Variants in LARGE1 observed in about 807,000 individuals in gnomAD.
LARGE1 encodes the protein xylosyl- and glucuronyltransferase LARGE1.
Under a neutral mutation model 87.6 loss-of-function variants are expected in LARGE1, and 43 were observed. The ratio of observed to expected loss-of-function variants is 0.49; its 90% CI spans 0.38 to 0.63. The LOEUF (loss-of-function observed/expected upper bound fraction) is 0.63, where lower values mean the gene tolerates loss of function less well. Ranked by LOEUF, LARGE1 falls within the 30% of genes least tolerant of loss-of-function variation. The pLI is 0.00. For missense variants in LARGE1, 802 were observed against 1,000.2 expected (o/e 0.80, Z 2.67); for synonymous variants, 434 against 394.6 (o/e 1.10, Z -1.18).
chr22:33,246,821 T>C (rs1184926584), intron 11 of LARGE1, among the ~76,000 whole-genome samples: 3 of 152,218 alleles, frequency 2.0e-5, no homozygotes, highest in Admixed American at 6.5e-5. Context: ...TTTTTATCAC[T>C]GAAAGCCTGT....
intron 1 of LARGE1, among the ~76,000 whole-genome samples, chr22:33,837,143 G>A (rs1253557603): frequency 6.6e-6 from 1 of 151,994 alleles, no homozygotes; most frequent in African/African-American, 2.4e-5. Flanking sequence ...CCATGATTGT[G>A]ATTGAAATGC....
At chr22:33,722,266 GGAGGGA>G (rs1377724864) in intron 2 of LARGE1, among the ~76,000 whole-genome samples, 71 of 76,400 alleles carry the variant, frequency 9.3e-4, no homozygotes, top group Admixed American at 2.2e-3. Context: ...GAGAGGGAGA[GGAGGGA>G]GAGGGAGAGG....
At chr22:33,675,024 G>T (rs1211785460) in intron 2 of LARGE1, among the ~76,000 whole-genome samples, 1 of 151,838 alleles carries the variant, frequency 6.6e-6, no homozygotes, top group Non-Finnish European at 1.5e-5. Flanking sequence ...CAGGCGCGGT[G>T]ACTCATGCCT....
At chr22:33,171,926 T>C (rs756735638) in intron 11 of LARGE1, among the ~76,000 whole-genome samples, 15 of 152,048 alleles carry the variant, frequency 9.9e-5, no homozygotes, top group Non-Finnish European at 2.1e-4. Flanking sequence ...AGAGGCACCA[T>C]ACACCTGGAA....
chr22:33,169,710 G>T (rs960568382), intron 11 of LARGE1, among the ~76,000 whole-genome samples: 22 of 152,086 alleles, frequency 1.4e-4, no homozygotes, highest in Admixed American at 9.8e-4. Context: ...AATTAGCTGG[G>T]TGTGGTGGCA....
chr22:33,487,003 A>G (rs1163615051), intron 6 of LARGE1, among the ~76,000 whole-genome samples: 2 of 152,250 alleles, frequency 1.3e-5, no homozygotes, highest in African/African-American at 4.8e-5. Context: ...AATTGCGGAC[A>G]CAAATATTCC....
At chr22:33,528,240 T>C (rs2072011651) in intron 6 of LARGE1, among the ~76,000 whole-genome samples, 1 of 152,080 alleles carries the variant, frequency 6.6e-6, no homozygotes. Flanking sequence ...GAGAGATTTA[T>C]TTCTCATAAA....
intron 9 of LARGE1, among the ~76,000 whole-genome samples, chr22:33,370,231 T>TA (rs35087776): frequency 5.3e-5 from 8 of 150,658 alleles, no homozygotes; most frequent in Admixed American, 1.3e-4. Flanking sequence ...CAGGGGCCGT[T>TA]AAAAAAAAAT....
intron 1 of LARGE1, among the ~76,000 whole-genome samples, chr22:33,767,183 G>C (rs1018555191): frequency 1.3e-5 from 2 of 150,642 alleles, no homozygotes; most frequent in Non-Finnish European, 3.0e-5. Flanking sequence ...TCAGCTGGAC[G>C]TGGTGGTGCA....
chr22:33,919,379 T>TTTTG (rs2065877340), intron 1 of LARGE1, among the ~76,000 whole-genome samples: 1 of 152,186 alleles, frequency 6.6e-6, no homozygotes, highest in African/African-American at 2.4e-5. Flanking sequence ...TCAAAAGCAG[T>TTTTG]GACATTTACA....
At chr22:33,535,841 C>T (rs967131445) in intron 6 of LARGE1, among the ~76,000 whole-genome samples, 14 of 152,168 alleles carry the variant, frequency 9.2e-5, no homozygotes, top group Non-Finnish European at 1.3e-4. Context: ...TGTATTTTCA[C>T]TCCTGAAATT....
At chr22:33,243,308 C>T (rs1458632662) in intron 11 of LARGE1, among the ~76,000 whole-genome samples, 1 of 152,156 alleles carries the variant, frequency 6.6e-6, no homozygotes, top group Non-Finnish European at 1.5e-5. Flanking sequence ...GACACATGTA[C>T]ACATCTATTT....
intron 11 of LARGE1, among the ~76,000 whole-genome samples, chr22:33,214,143 A>G (rs891620689): frequency 6.6e-6 from 1 of 152,198 alleles, no homozygotes; most frequent in Non-Finnish European, 1.5e-5. Context: ...CAAACTGAGT[A>G]GCTTAAACAG....
At chr22:33,172,735 G>C (rs1391150029) in intron 11 of LARGE1, among the ~76,000 whole-genome samples, 1 of 152,056 alleles carries the variant, frequency 6.6e-6, no homozygotes, top group African/African-American at 2.4e-5. Flanking sequence ...TAGTCAAATT[G>C]ATCAAGTGGA....
At position 33,641,309 on chromosome 22, in the gene LARGE1, T is replaced by A. The variant is rs145120280; in HGVS notation, c.408+9058A>T. On this transcript the variant is annotated intron_variant, in intron 3 of 14. Coordinates refer to ENST00000397394, the MANE Select transcript of LARGE1 (RefSeq NM_133642.5). ...GCAGACCTGCAGAAGAGGGGCCTGT[T>A]AGAAGGAAAACTAACAAACATAAAG... Among the ~76,000 whole-genome samples, 856 of 152,166 alleles carry A rather than the reference T, an allele frequency of 5.6e-3. 6 individuals are homozygous for A. The highest frequency in any genetic ancestry group is 8.8e-3 in the Non-Finnish European group (597 of 68,026).
At chr22:33,331,401 T>A (rs988173116) in intron 10 of LARGE1, among the ~76,000 whole-genome samples, 2 of 146,140 alleles carry the variant, frequency 1.4e-5, no homozygotes, top group Non-Finnish European at 3.0e-5. Context: ...TCTCTCTTTC[T>A]CTTCTTATCT....
At chr22:33,808,807 C>T (rs2146146580) in intron 1 of LARGE1, among the ~76,000 whole-genome samples, 1 of 152,252 alleles carries the variant, frequency 6.6e-6, no homozygotes, top group East Asian at 1.9e-4. Flanking sequence ...GAAGACAGAC[C>T]CAGTAGCACC....
At chr22:33,071,643 C>A in the LARGE1 span, among the ~76,000 whole-genome samples, 1 of 152,144 alleles carries the variant, frequency 6.6e-6, no homozygotes, top group Admixed American at 6.5e-5. Context: ...AACAGACCAG[C>A]AAGCATGTAG....
intron 1 of LARGE1, among the ~76,000 whole-genome samples, chr22:33,889,997 T>C (rs921587367): frequency 1.3e-5 from 2 of 152,152 alleles, no homozygotes; most frequent in African/African-American, 4.8e-5. Flanking sequence ...CCCAGGTTTC[T>C]GCCCCCCATA....
Sources: gnomAD v4.1 joint callset for allele counts (sites outside exome capture counted in the v4.1 genomes callset) on GRCh38, gnomAD v4.1.1 for gene constraint, MANE v1.5 for transcripts, NCBI Gene and HGNC (gene_info 2026-07-23, HGNC 2026-07-21) for gene names.